Variants in TNR observed in about 807,000 individuals in gnomAD.
The protein encoded by TNR is tenascin R, also known as tenascin-R.
A neutral mutation model predicts 150.4 loss-of-function variants in TNR; 45 were observed. The observed-to-expected ratio is 0.30, with a 90% CI of 0.24 to 0.38. The LOEUF is 0.38. Among genes scored for constraint, TNR ranks in the 10% least tolerant of loss-of-function variants. The pLI is 1.00. For missense variants in TNR, 1,544 were observed against 1,759.1 expected, an observed-to-expected ratio of 0.88 and a Z score of 2.19; for synonymous variants, 687 against 678.4, an observed-to-expected ratio of 1.01 and a Z score of -0.20.
At chr1:175,435,208 C>CG (rs1254693909) in intron 2 of TNR, among the ~76,000 whole-genome samples, 1 of 151,912 alleles carries the variant, frequency 6.6e-6, no homozygotes, top group Non-Finnish European at 1.5e-5. Flanking sequence ...CCAGTTAGGA[C>CG]GGGGGTGAGA....
intron 1 of TNR, among the ~76,000 whole-genome samples, chr1:175,662,737 C>A (rs191574982): frequency 4.1e-4 from 62 of 152,314 alleles, no homozygotes; most frequent in African/African-American, 1.5e-3. Context: ...ATTCCACAGT[C>A]TGGGTGTGGG....
chr1:175,401,328 G>A (rs1190647587), intron 4 of TNR, among the ~76,000 whole-genome samples: 2 of 152,130 alleles, frequency 1.3e-5, no homozygotes, highest in African/African-American at 4.8e-5. Context: ...CACAGCGATG[G>A]CCCACACTGA....
chr1:175,634,751 C>G (rs993000400), intron 1 of TNR, among the ~76,000 whole-genome samples: 1 of 152,298 alleles, frequency 6.6e-6, no homozygotes, highest in East Asian at 1.9e-4. Flanking sequence ...TCACAGAACT[C>G]CTGTAGCACC....
intron 1 of TNR, among the ~76,000 whole-genome samples, chr1:175,564,850 C>T (rs1661577566): frequency 6.6e-6 from 1 of 152,202 alleles, no homozygotes; most frequent in Non-Finnish European, 1.5e-5. Flanking sequence ...TCTTGTTCTG[C>T]CCTTGGCTCT....
At chr1:175,727,504 G>A (rs1001554559) in intron 1 of TNR, among the ~76,000 whole-genome samples, 2 of 152,188 alleles carry the variant, frequency 1.3e-5, no homozygotes, top group African/African-American at 4.8e-5. Context: ...CTGTAGATGG[G>A]AGCTGAGAAA....
At chr1:175,642,523 A>G (rs1439891460) in intron 1 of TNR, among the ~76,000 whole-genome samples, 3 of 152,208 alleles carry the variant, frequency 2.0e-5, no homozygotes, top group African/African-American at 4.8e-5. Flanking sequence ...GTCTATGTCA[A>G]CCTTGCAGTG....
intron 1 of TNR, among the ~76,000 whole-genome samples, chr1:175,686,238 A>G (rs1666196679): frequency 6.6e-6 from 1 of 152,222 alleles, no homozygotes; most frequent in Non-Finnish European, 1.5e-5. Flanking sequence ...AATTCCCCCA[A>G]GTTCATTTCC....
intron 1 of TNR, among the ~76,000 whole-genome samples, chr1:175,688,869 G>A (rs1666274314): frequency 6.6e-6 from 1 of 152,190 alleles, no homozygotes; most frequent in Non-Finnish European, 1.5e-5. Context: ...GCAAGGCCAA[G>A]GCCATGTCTT....
chr1:175,478,308 GAGA>G (rs1480145231), intron 2 of TNR, among the ~76,000 whole-genome samples: 1 of 152,196 alleles, frequency 6.6e-6, no homozygotes. Context: ...ATGGGAGGAA[GAGA>G]AGAAGGAAGA....
chr1:175,379,460 C>T, intron 9 of TNR, 92 bp downstream of exon 9: 3 of 1,186,660 alleles, frequency 2.5e-6, no homozygotes, highest in Non-Finnish European at 3.6e-6. Context: ...TAGGAATTGG[C>T]CATGGGTTTG....
chr1:175,536,270 C>T (rs1017553164), intron 1 of TNR, among the ~76,000 whole-genome samples: 6 of 152,194 alleles, frequency 3.9e-5, no homozygotes, highest in African/African-American at 1.4e-4. Context: ...TTCAACCATG[C>T]CTTTTTTATG....
Position 175,323,187 on chromosome 1 carries a change from G to T in TNR, c.*170C>A. 3 of 836,124 alleles carry T rather than the reference G, an allele frequency of 3.6e-6. No homozygotes were observed. Among genetic ancestry groups the T allele is most frequent in the Non-Finnish European group, 3.5e-6 (2 of 564,914 alleles). The allele number at this position is 836,124 out of a possible 1,614,324, so 51.8% of individuals were successfully genotyped here. On this transcript the variant is annotated 3_prime_UTR_variant, in exon 23 of 23. Coordinates refer to ENST00000367674, the MANE Select transcript of TNR (RefSeq NM_003285.3). ...AGACTGAGGGTCAGGCTCCAGGGCA[G>T]CAGAAACCAAGAGCAGATGTTAGCC...
intron 2 of TNR, among the ~76,000 whole-genome samples, chr1:175,487,509 C>T (rs1279097782): frequency 1.3e-5 from 2 of 152,194 alleles, no homozygotes; most frequent in East Asian, 3.8e-4. Flanking sequence ...TTTCTTCCGC[C>T]CTACCCATGT....
In TNR at chr1:175,354,520, G is replaced by T; in HGVS notation, c.3253C>A (p.Leu1085Met). Residue 1085 changes from leucine to methionine, a missense_variant, in exon 18 of 23, where the codon CTG (leucine) becomes ATG (methionine). Leu to Met is a conservative substitution (Grantham distance 15, BLOSUM62 2). Coordinates refer to ENST00000367674, the MANE Select transcript of TNR (RefSeq NM_003285.3). The stretch of plus-strand genomic sequence containing the variant: ...CAGGTGTCTTCTGCATCCACAATCA[G>T]CTCCTGTATAATGAGCCAAAGGAAG... Reference protein sequence around the residue: ...YKSTDGSRKELIVDAEDTWIR... With the variant: ...YKSTDGSRKEMIVDAEDTWIR... 6.2e-7 allele frequency: 1 copy of T among 1,614,020 alleles called. No individual in the cohort carries two copies. The highest frequency in any genetic ancestry group is 8.5e-7 in the Non-Finnish European group (1 of 1,179,964).
intron 1 of TNR, among the ~76,000 whole-genome samples, chr1:175,650,389 CAA>C (rs1558054393): frequency 6.6e-6 from 1 of 151,550 alleles, no homozygotes; most frequent in African/African-American, 2.4e-5. Flanking sequence ...TCAAAGCAAA[CAA>C]AAAAACAAAC....
intron 21 of TNR, 106 bp from the exon 22 acceptor site, chr1:175,324,625 C>G (rs1014781224): frequency 3.8e-6 from 5 of 1,324,820 alleles, no homozygotes; most frequent in African/African-American, 2.9e-5. Context: ...ACTTATGGAA[C>G]CTTTTCATTT....
At chr1:175,676,869 G>A (rs1665881283) in intron 1 of TNR, among the ~76,000 whole-genome samples, 3 of 152,096 alleles carry the variant, frequency 2.0e-5, no homozygotes, top group African/African-American at 7.2e-5. Flanking sequence ...AGGACTCCTC[G>A]ATCTCAAACA....
intron 2 of TNR, among the ~76,000 whole-genome samples, chr1:175,503,071 G>C (rs973026851): frequency 1.3e-5 from 2 of 151,426 alleles, no homozygotes; most frequent in African/African-American, 4.9e-5. Context: ...AGAGAAAATA[G>C]GATGCCCCGC....
chr1:175,616,750 C>A (rs1663790319), intron 1 of TNR, among the ~76,000 whole-genome samples: 1 of 152,122 alleles, frequency 6.6e-6, no homozygotes, highest in Admixed American at 6.5e-5. Context: ...GAGTTGAGAA[C>A]TGGGAAAACT....
Sources: allele counts gnomAD v4.1 joint callset (sites outside exome capture counted in the v4.1 genomes callset), GRCh38; gene constraint gnomAD v4.1.1; transcripts MANE v1.5; gene names NCBI Gene and HGNC (gene_info 2026-07-23, HGNC 2026-07-21).